RRP7A: variants seen among roughly 807,000 people sequenced by gnomAD.
The protein encoded by RRP7A is ribosomal RNA-processing protein 7 homolog A.
Under a neutral mutation model 38.4 loss-of-function variants are expected in RRP7A, and 27 were observed. The observed-to-expected ratio is 0.70, with a 90% CI of 0.52 to 0.97. The LOEUF (loss-of-function observed/expected upper bound fraction) is 0.97. RRP7A is among the 50% of genes least tolerant of loss of function. RRP7A has a pLI of 0.00. For missense variants in RRP7A, 327 were observed against 375.4 expected (o/e 0.87, Z 1.07); for synonymous variants, 124 against 150.3 (o/e 0.83, Z 1.28).
Position 42,510,613 on chromosome 22 carries a change from C to T in RRP7A, c.*2297G>A. On this transcript the variant is annotated 3_prime_UTR_variant, in exon 7 of 7. Transcript: ENST00000323013. ...TTCTAAGATGAACCCCAACAACCCC[C>T]AACTCCTCACTTTCCAGAGCAGTCC... 2.7e-6 allele frequency: 3 copies of T among 1,113,906 alleles called. No homozygotes were observed. Among genetic ancestry groups the T allele is most frequent in the Admixed American group, 2.2e-5 (1 of 45,832 alleles). The allele number at this position is 1,113,906 out of a possible 1,614,324, so 69.0% of individuals were successfully genotyped here. A position where few individuals can be genotyped will look rare whatever the true frequency, so the allele number is the denominator to read the frequency against.
chr22:42,510,497 G>A lies in RRP7A; in HGVS notation c.*2413C>T. ...CCTCAAATCCAACCCAGGGTCAAGGGACCCAGCTGTGGGAGTTGGGGTAGC... is the reference window on the plus strand; with the variant it reads ...CCTCAAATCCAACCCAGGGTCAAGGAACCCAGCTGTGGGAGTTGGGGTAGC... On this transcript the variant is annotated 3_prime_UTR_variant, in exon 7 of 7. Coordinates refer to ENST00000323013, the MANE Select transcript of RRP7A (RefSeq NM_015703.5). 1 of 377,810 alleles carries A rather than the reference G, an allele frequency of 2.6e-6. No individual in the cohort carries two copies. The highest frequency in any genetic ancestry group is 5.0e-5 in the East Asian group (1 of 20,150). The allele number at this position is 377,810 out of a possible 1,614,324, so 23.4% of individuals were successfully genotyped here. A position where few individuals can be genotyped will look rare whatever the true frequency, so the allele number is the denominator to read the frequency against.
At chr22:42,516,304 C>A (rs1410423561) in intron 2 of RRP7A, 168 bp from the exon 3 acceptor site, 4 of 862,506 alleles carry the variant, frequency 4.6e-6, no homozygotes, top group Non-Finnish European at 7.5e-6. Context: ...GACCTGTTCC[C>A]CAGGGACAAT....
chr22:42,514,630 C>T, intron 5 of RRP7A, 52 bp downstream of exon 5: 1 of 1,512,650 alleles, frequency 6.6e-7, no homozygotes, highest in Non-Finnish European at 9.1e-7. Flanking sequence ...GCGCCACCTT[C>T]CCACAGCCAC....
Position 42,510,850 on chromosome 22 carries a change from G to C in RRP7A, c.*2060C>G. On this transcript the variant is annotated 3_prime_UTR_variant, in exon 7 of 7. Transcript: ENST00000323013. The stretch of plus-strand genomic sequence containing the variant: ...CCCCAGGCCCAACAAGTGACCACCA[G>C]GATCTATCAGGCCTCATGCTCCAGT... The C allele has an allele frequency of 3.6e-6, 4 of 1,120,646 alleles. No individual in the cohort carries two copies. The highest frequency in any genetic ancestry group is 4.5e-6 in the Non-Finnish European group (4 of 884,262). The allele number at this position is 1,120,646 out of a possible 1,614,324, so 69.4% of individuals were successfully genotyped here.
rs746699447 is a variant in RRP7A, at chr22:42,512,961, GTCC to G, written c.789_791del (p.Glu263del). The G allele has an allele frequency of 6.2e-7, 1 of 1,613,482 alleles. No homozygotes were observed. The highest frequency in any genetic ancestry group is 1.3e-5 in the African/African-American group (1 of 75,026). On this transcript the variant is annotated inframe_deletion, in exon 7 of 7. Coordinates refer to ENST00000323013, the MANE Select transcript of RRP7A (RefSeq NM_015703.5). ...CCCGCAGCAGCTCGATCCTCTGCTTGTCCTCCTCGAACTTCTTGCGCAGCTGCG... is the reference window on the plus strand; with the variant it reads ...CCCGCAGCAGCTCGATCCTCTGCTTGTCCTCGAACTTCTTGCGCAGCTGCG...
chr22:42,510,758 ACT>A lies in RRP7A; in HGVS notation c.*2150_*2151del, dbSNP rs1932433285. 1.4e-6 allele frequency: 2 copies of A among 1,472,022 alleles called. No homozygotes were observed. The highest frequency in any genetic ancestry group is 1.8e-6 in the Non-Finnish European group (2 of 1,100,562). 91.2% of individuals were successfully genotyped at this position (1,472,022 alleles called of 1,614,324 possible). ...GGGCTCAGGCAGCTGGTGTCCAGCC[ACT>A]GTCGCCCACTCTGGTCCCACCTCAC... On this transcript the variant is annotated 3_prime_UTR_variant, in exon 7 of 7. Coordinates refer to ENST00000323013, the MANE Select transcript of RRP7A (RefSeq NM_015703.5).
Position 42,518,610 on chromosome 22 carries a change from C to A in RRP7A, c.74-463G>T, listed in dbSNP as rs200550612. ...GCGTGTCACCCTCTTCCCTCCCGCT[C>A]ACCTCAGGTTTAGCTCAAACCTCGC... On this transcript the variant is annotated intron_variant, in intron 1 of 6. Transcript: ENST00000323013. 1,046 of 456,398 alleles carry A rather than the reference C, an allele frequency of 2.3e-3. 5 individuals carry two copies. The East Asian group carries it at 0.024, about 10-fold the overall frequency. The allele number at this position is 456,398 out of a possible 1,614,324, so 28.3% of individuals were successfully genotyped here.
Position 42,509,850 on chromosome 22 carries a change from G to GGGGGGTGTGTGTGT in RRP7A, c.*3059_*3060insACACACACACCCCC, listed in dbSNP as rs1555985853. The GGGGGGTGTGTGTGT allele has an allele frequency of 1.8e-5, 1 of 56,912 alleles. No homozygotes were observed. Among genetic ancestry groups the GGGGGGTGTGTGTGT allele is most frequent in the African/African-American group, 6.8e-5 (1 of 14,606 alleles). The allele number at this position is 56,912 out of a possible 1,614,324, so 3.5% of individuals were successfully genotyped here. On this transcript the variant is annotated 3_prime_UTR_variant, in exon 7 of 7. Coordinates refer to ENST00000323013, the MANE Select transcript of RRP7A (RefSeq NM_015703.5). ...AAGCCTGTTGGGGGTGGGGGGGTGG[G>GGGGGGTGTGTGTGT]GTGTGTGTGTGTGTGTGTAAGCTCA...
chr22:42,516,842 T>C (rs5021906), intron 2 of RRP7A, among the ~76,000 whole-genome samples: 69,857 of 150,772 alleles, frequency 0.46, 18,414 homozygotes, highest in African/African-American at 0.77. Flanking sequence ...AGCTGGACAC[T>C]TGCCACTGGG....
intron 2 of RRP7A, among the ~76,000 whole-genome samples, chr22:42,516,927 T>C (rs1472192692): frequency 6.6e-6 from 1 of 152,218 alleles, no homozygotes; most frequent in African/African-American, 2.4e-5. Context: ...CTTCTTTTTT[T>C]CTCTAAGTTT....
chr22:42,516,231 G>A lies in RRP7A; in HGVS notation c.217-95C>T, dbSNP rs181814781. ...GTGGCGCTGCCAGGGGTCCAGCGCCGCTGAAGGACTCAGCCACAGCCACAT... is the reference window on the plus strand; with the variant it reads ...GTGGCGCTGCCAGGGGTCCAGCGCCACTGAAGGACTCAGCCACAGCCACAT... On this transcript the variant is annotated intron_variant, in intron 2 of 6. Coordinates refer to ENST00000323013, the MANE Select transcript of RRP7A (RefSeq NM_015703.5). The A allele has an allele frequency of 1.8e-4, 276 of 1,517,412 alleles. 1 individual carries two copies. The East Asian group carries it at 3.1e-3, about 17-fold the overall frequency. 94.0% of individuals were successfully genotyped at this position (1,517,412 alleles called of 1,614,324 possible).
rs1200889158 is a variant in RRP7A at position 42,509,511 on chromosome 22, TTAG to T, written c.*3396_*3398del. Among the ~76,000 whole-genome samples, 1 of 150,068 alleles carries T rather than the reference TTAG, an allele frequency of 6.7e-6. No individual in the cohort carries two copies. Among genetic ancestry groups the T allele is most frequent in the African/African-American group, 2.4e-5 (1 of 41,074 alleles). On this transcript the variant is annotated 3_prime_UTR_variant, in exon 7 of 7. Coordinates refer to ENST00000323013, the MANE Select transcript of RRP7A (RefSeq NM_015703.5). Reference sequence around the variant, plus strand: ...CCACGCCTGGCTTATTTTTGTATTTTTAGTAGAGACGAGGTTTCGCCATGTTGG... The same window carrying T: ...CCACGCCTGGCTTATTTTTGTATTTTTAGAGACGAGGTTTCGCCATGTTGG...
rs1920928621 is a variant in RRP7A, at chr22:42,516,046, A to T, written c.307T>A (p.Ser103Thr). ...TTGGGATGAAAAAACTTCGACCTTGACTCCTTTGGGCTCTCAGCCAGGTCC... is the reference window on the plus strand; with the variant it reads ...TTGGGATGAAAAAACTTCGACCTTGTCTCCTTTGGGCTCTCAGCCAGGTCC... ...KPDLAESPKE[S>T]RSKFFHPKPV... Residue 103 changes from serine to threonine, a missense_variant, in exon 3 of 7, where the codon TCA (serine) becomes ACA (threonine). Physicochemically the swap from Ser to Thr is moderately conservative, Grantham distance 58. This residue lies in a region of RRP7A where 183 missense variants were observed against 141.8 expected (regional missense o/e 1.29). Coordinates refer to ENST00000323013, the MANE Select transcript of RRP7A (RefSeq NM_015703.5). The T allele has an allele frequency of 6.2e-7, 1 of 1,607,456 alleles. No individual in the cohort carries two copies. Among genetic ancestry groups the T allele is most frequent in the African/African-American group, 1.3e-5 (1 of 74,488 alleles).
rs1932336120 is a variant in RRP7A, at chr22:42,508,355, TTTTTA to T, written c.*4550_*4554del. Among the ~76,000 whole-genome samples the T allele has an allele frequency of 6.6e-6, 1 of 151,796 alleles. No individual in the cohort carries two copies. The highest frequency in any genetic ancestry group is 6.6e-5 in the Admixed American group (1 of 15,246). ...AAAGGTTCTATAAATTCTTCTCATA[TTTTTA>T]TTTAACATCCACAATGTGATTTAAG... On this transcript the variant is annotated 3_prime_UTR_variant, in exon 7 of 7. Transcript: ENST00000323013.
rs1319852025 is a variant in RRP7A at position 42,510,175 on chromosome 22, G to T, written c.*2735C>A. On this transcript the variant is annotated 3_prime_UTR_variant, in exon 7 of 7. Transcript: ENST00000323013. Reference sequence around the variant, plus strand: ...AGACAGGGTTTCACCATGTTAGCCAGGATGGTCTCATCTCCTGACCTCGTG... The same window carrying T: ...AGACAGGGTTTCACCATGTTAGCCATGATGGTCTCATCTCCTGACCTCGTG... 4 of 152,444 alleles carry T rather than the reference G, an allele frequency of 2.6e-5. No individual in the cohort carries two copies. Among genetic ancestry groups the T allele is most frequent in the African/African-American group, 9.7e-5 (4 of 41,436 alleles). 9.4% of individuals were successfully genotyped at this position (152,444 alleles called of 1,614,324 possible).
At chr22:42,515,947 C>G in intron 3 of RRP7A, 64 bp downstream of exon 3, 1 of 1,524,338 alleles carries the variant, frequency 6.6e-7, no homozygotes, top group Non-Finnish European at 8.8e-7. Flanking sequence ...CCAGCTCCCC[C>G]AACACACTGG....
At chr22:42,513,548 G>A (rs533301926) in intron 6 of RRP7A, among the ~76,000 whole-genome samples, 2 of 120,090 alleles carry the variant, frequency 1.7e-5, no homozygotes, top group East Asian at 4.7e-4. Flanking sequence ...CCAGGGCCAG[G>A]AGAACCCTCC....
In RRP7A at chr22:42,512,509, G is replaced by T; in HGVS notation, c.*401C>A. The T allele has an allele frequency of 1.8e-6, 1 of 553,276 alleles. No individual in the cohort carries two copies. The highest frequency in any genetic ancestry group is 3.2e-6 in the Non-Finnish European group (1 of 308,922). The allele number at this position is 553,276 out of a possible 1,614,324, so 34.3% of individuals were successfully genotyped here. ...AGGAAGGGCGGGCTGGGCCCACCTAGCCTTTCCCTGCTGCCCAACTGGATG... is the reference window on the plus strand; with the variant it reads ...AGGAAGGGCGGGCTGGGCCCACCTATCCTTTCCCTGCTGCCCAACTGGATG... On this transcript the variant is annotated 3_prime_UTR_variant, in exon 7 of 7. Transcript: ENST00000323013.
chr22:42,513,782 C>T (rs1920923261), intron 6 of RRP7A, among the ~76,000 whole-genome samples: 1 of 152,160 alleles, frequency 6.6e-6, no homozygotes, highest in South Asian at 2.1e-4. Context: ...CAGAAGCCCC[C>T]TCTGCACTTG....
Sources: allele counts gnomAD v4.1 joint callset (sites outside exome capture counted in the v4.1 genomes callset), GRCh38; gene constraint gnomAD v4.1.1; regional missense constraint gnomAD v4.1.1; transcripts MANE v1.5; gene names NCBI Gene and HGNC (gene_info 2026-07-23, HGNC 2026-07-21).